The following PREP variants were observed in gnomAD, a reference collection of about 807,000 sequenced individuals.
The protein encoded by PREP is prolyl endopeptidase, also known as dJ355L5.1 (prolyl endopeptidase).
In PREP, 29 loss-of-function variants were observed where a neutral mutation model predicts 87.6. That is an observed-to-expected ratio of 0.33 (90% CI 0.25 to 0.45). The LOEUF is 0.45. PREP is among the 20% of genes least tolerant of loss of function. PREP has a pLI of 1.00. For synonymous variants in PREP, 337 were observed against 328.6 expected (o/e 1.03, Z -0.28); for missense variants, 695 against 886.5 (o/e 0.78, Z 2.74).
intron 10 of PREP, among the ~76,000 whole-genome samples, chr6:105,313,916 C>G (rs1442799873): frequency 6.6e-6 from 1 of 152,136 alleles, no homozygotes; most frequent in Non-Finnish European, 1.5e-5. Context: ...GGGGTTCAAG[C>G]TGCCACATGG....
intron 8 of PREP, among the ~76,000 whole-genome samples, chr6:105,332,509 C>T (rs1419320202): frequency 6.6e-6 from 1 of 152,030 alleles, no homozygotes; most frequent in Non-Finnish European, 1.5e-5. Context: ...TTTTTTTCCT[C>T]ATTATATACC....
At chr6:105,300,673 A>G (rs2114626120) in intron 10 of PREP, among the ~76,000 whole-genome samples, 1 of 152,284 alleles carries the variant, frequency 6.6e-6, no homozygotes, top group African/African-American at 2.4e-5. Flanking sequence ...TAAAGTACAT[A>G]AGTCTAAAGT....
chr6:105,321,919 G>C (rs1294922853), intron 10 of PREP, among the ~76,000 whole-genome samples: 1 of 152,134 alleles, frequency 6.6e-6, no homozygotes, highest in South Asian at 2.1e-4. Context: ...GTGCTCTTGA[G>C]AGCAGAGGAG....
At chr6:105,389,739 C>T (rs1322862501) in intron 2 of PREP, among the ~76,000 whole-genome samples, 1 of 152,124 alleles carries the variant, frequency 6.6e-6, no homozygotes, top group African/African-American at 2.4e-5. Flanking sequence ...TAGCTCAGCA[C>T]CAGTTCTTCC....
At chr6:105,279,641 G>C (rs545129952) in intron 14 of PREP, among the ~76,000 whole-genome samples, 114 of 152,220 alleles carry the variant, frequency 7.5e-4, no homozygotes, top group Non-Finnish European at 4.4e-4. Flanking sequence ...AGGGGGCGGG[G>C]AGGTGTGCTG....
intron 6 of PREP, among the ~76,000 whole-genome samples, chr6:105,353,389 T>C (rs953394440): frequency 5.3e-5 from 8 of 152,324 alleles, no homozygotes; most frequent in African/African-American, 1.7e-4. Flanking sequence ...TGAAAATATG[T>C]GAAATCCATC....
intron 2 of PREP, among the ~76,000 whole-genome samples, chr6:105,390,625 G>T (rs576916061): frequency 2.5e-4 from 38 of 152,310 alleles, no homozygotes; most frequent in African/African-American, 9.1e-4. Flanking sequence ...CAGCAACTCA[G>T]TAACAACTTC....
At chr6:105,288,960 G>C in intron 10 of PREP, 66 bp from the exon 11 acceptor site, 2 of 1,468,302 alleles carry the variant, frequency 1.4e-6, no homozygotes, top group South Asian at 2.4e-5. Flanking sequence ...GCTTTTAAAT[G>C]GGAAAAATAG....
intron 2 of PREP, among the ~76,000 whole-genome samples, chr6:105,397,628 A>T (rs1364183762): frequency 6.6e-6 from 1 of 152,212 alleles, no homozygotes; most frequent in African/African-American, 2.4e-5. Context: ...TATGAACCAT[A>T]AACATTATCT....
chr6:105,378,685 C>A (rs1280897596), intron 2 of PREP, among the ~76,000 whole-genome samples: 2 of 152,190 alleles, frequency 1.3e-5, no homozygotes, highest in Non-Finnish European at 2.9e-5. Context: ...TAATTCACAT[C>A]TGGCTATTAG....
At chr6:105,290,242 A>C (rs1033951980) in intron 10 of PREP, among the ~76,000 whole-genome samples, 1 of 152,152 alleles carries the variant, frequency 6.6e-6, no homozygotes, top group Non-Finnish European at 1.5e-5. Flanking sequence ...GTGGGTAGGT[A>C]CAAGTAAACA....
At chr6:105,311,214 A>G (rs1403772456) in intron 10 of PREP, among the ~76,000 whole-genome samples, 2 of 152,162 alleles carry the variant, frequency 1.3e-5, no homozygotes, top group Admixed American at 1.3e-4. Flanking sequence ...CAAAACGGAA[A>G]ATGATTTTCT....
At chr6:105,294,865 T>C (rs1562189729) in intron 10 of PREP, among the ~76,000 whole-genome samples, 1 of 152,216 alleles carries the variant, frequency 6.6e-6, no homozygotes, top group African/African-American at 2.4e-5. Context: ...TTCAGTTCTT[T>C]ATATTCTCTC....
chr6:105,311,375 T>A (rs1562195227), intron 10 of PREP, among the ~76,000 whole-genome samples: 1 of 152,138 alleles, frequency 6.6e-6, no homozygotes, highest in African/African-American at 2.4e-5. Context: ...GGGCTTCTCT[T>A]AGGTCCTCTC....
At chr6:105,301,869 G>T (rs1376450572) in intron 10 of PREP, among the ~76,000 whole-genome samples, 1 of 152,158 alleles carries the variant, frequency 6.6e-6, no homozygotes, top group African/African-American at 2.4e-5. Flanking sequence ...GGAATAATAC[G>T]CCTTTTCCCA....
chr6:105,316,097 GT>G (rs1304813128), intron 10 of PREP, among the ~76,000 whole-genome samples: 2 of 152,290 alleles, frequency 1.3e-5, no homozygotes, highest in Admixed American at 1.3e-4. Context: ...CAAGTTGGCT[GT>G]TTGGTGCAAG....
At chr6:105,323,902 C>T (rs188980271) in intron 9 of PREP, 134 bp from the exon 10 acceptor site, 1 of 753,314 alleles carries the variant, frequency 1.3e-6, no homozygotes. Flanking sequence ...TAATCCCCAC[C>T]ACAGTCGAAG....
intron 5 of PREP, 79 bp from the exon 6 acceptor site, chr6:105,369,103 A>G (rs1000145738): frequency 2.0e-5 from 30 of 1,470,722 alleles, no homozygotes; most frequent in African/African-American, 2.8e-5. Flanking sequence ...GCAGAATGCT[A>G]GACACATTTA....
At chr6:105,394,014 C>T (rs1288442623) in intron 2 of PREP, among the ~76,000 whole-genome samples, 1 of 151,654 alleles carries the variant, frequency 6.6e-6, no homozygotes, top group Non-Finnish European at 1.5e-5. Flanking sequence ...ATTTCAGGTC[C>T]TCAGGAGCTA....
Sources: gnomAD v4.1 joint callset for allele counts (sites outside exome capture counted in the v4.1 genomes callset) on GRCh38, gnomAD v4.1.1 for gene constraint, MANE v1.5 for transcripts, NCBI Gene and HGNC (gene_info 2026-07-23, HGNC 2026-07-21) for gene names.